Variants in KANSL1 observed in about 807,000 individuals in gnomAD.
KANSL1 encodes the protein KAT8 regulatory NSL complex subunit 1, also known as MLL1/MLL complex subunit KANSL1.
KANSL1 carries 22 observed loss-of-function variants against 103.6 expected under a neutral mutation model. That is an observed-to-expected ratio of 0.21 (90% CI 0.15 to 0.30). KANSL1 has a LOEUF of 0.30. Ranked by LOEUF, KANSL1 falls within the 10% of genes least tolerant of loss-of-function variation. The probability of loss-of-function intolerance (pLI) is 1.00; values close to 1 mark genes in which losing one functional copy is unlikely to be tolerated. For missense variants in KANSL1, 1,337 were observed against 1,399.8 expected (o/e 0.96, Z 0.72); for synonymous variants, 600 against 527.6 (o/e 1.14, Z -1.88).
At chr17:46,103,371 A>G (rs1446723990) in intron 2 of KANSL1, among the ~76,000 whole-genome samples, 2 of 152,238 alleles carry the variant, frequency 1.3e-5, no homozygotes, top group African/African-American at 4.8e-5. Context: ...ATTATTTTTA[A>G]GCCAATTCCC....
At chr17:46,066,315 A>G (rs1430619990) in intron 6 of KANSL1, among the ~76,000 whole-genome samples, 1 of 152,198 alleles carries the variant, frequency 6.6e-6, no homozygotes, top group African/African-American at 2.4e-5. Context: ...TGGTTTTCAA[A>G]ACTAGCTGCA....
chr17:46,057,016 GGTCATCCC>G (rs2077956501), intron 6 of KANSL1, among the ~76,000 whole-genome samples: 1 of 152,022 alleles, frequency 6.6e-6, no homozygotes, highest in Non-Finnish European at 1.5e-5. Context: ...TTCAAATTAC[GGTCATCCC>G]GTCTAGAAAA....
intron 2 of KANSL1, among the ~76,000 whole-genome samples, chr17:46,137,145 A>G (rs1184898848): frequency 1.3e-5 from 2 of 152,192 alleles, no homozygotes; most frequent in African/African-American, 4.8e-5. Context: ...CCAGACTCCT[A>G]TTCACACTTA....
At chr17:46,175,735 T>C (rs182237275) in intron 1 of KANSL1, among the ~76,000 whole-genome samples, 66 of 152,362 alleles carry the variant, frequency 4.3e-4, no homozygotes, top group African/African-American at 1.4e-3. Context: ...TCAGGGCTTA[T>C]GTAGTTTTCT....
At chr17:46,148,996 CTTTTTTTCT>C (rs1233102766) in intron 2 of KANSL1, among the ~76,000 whole-genome samples, 1 of 124,150 alleles carries the variant, frequency 8.1e-6, no homozygotes, top group African/African-American at 3.1e-5. Flanking sequence ...ATTCTTGCCT[CTTTTTTTCT>C]TTTTTTTTTT....
upstream of KANSL1, chr17:46,196,739 G>A: frequency 3.9e-6 from 1 of 254,076 alleles, no homozygotes; most frequent in East Asian, 1.3e-4. Context: ...GAGTTCTAAT[G>A]TTTTTTAGTA....
Position 46,050,548 on chromosome 17 carries a change from G to T in KANSL1, c.2005C>A (p.Leu669Ile). The T allele has an allele frequency of 6.2e-7, 1 of 1,614,144 alleles. No individual in the cohort carries two copies. Among genetic ancestry groups the T allele is most frequent in the Non-Finnish European group, 8.5e-7 (1 of 1,180,014 alleles). Residue 669 changes from leucine to isoleucine, a missense_variant, in exon 7 of 15, where the codon CTA (leucine) becomes ATA (isoleucine). Physicochemically the swap from Leu to Ile is conservative, Grantham distance 5. Around this residue, in one of 2 missense-constraint regions of KANSL1, gnomAD observed 780 missense variants for 923.4 expected, o/e 0.84. Transcript: ENST00000432791. Reference sequence around the variant, plus strand: ...TCTTTCTTACCATCTGGAAATGCTAGAACAGGATGAACACAAGAGTCCAAC... The same window carrying T: ...TCTTTCTTACCATCTGGAAATGCTATAACAGGATGAACACAAGAGTCCAAC... Reference protein sequence around the residue: ...SQLDSCVHPVLAFPDDVPTSL... With the variant: ...SQLDSCVHPVIAFPDDVPTSL...
chr17:46,092,234 G>A (rs2079424788), intron 3 of KANSL1, among the ~76,000 whole-genome samples: 1 of 152,158 alleles, frequency 6.6e-6, no homozygotes, highest in African/African-American at 2.4e-5. Context: ...ATGTGTGATG[G>A]TATATACAAA....
At chr17:46,185,714 C>T (rs963958236) in intron 1 of KANSL1, among the ~76,000 whole-genome samples, 18 of 151,740 alleles carry the variant, frequency 1.2e-4, no homozygotes, top group East Asian at 9.7e-4. Context: ...CACACACACA[C>T]ACACACACAC....
chr17:46,176,407 C>T (rs1479011971), intron 1 of KANSL1, among the ~76,000 whole-genome samples: 5 of 152,192 alleles, frequency 3.3e-5, no homozygotes, highest in African/African-American at 9.7e-5. Flanking sequence ...CCCATCTACT[C>T]CAGCTGGGCA....
intron 4 of KANSL1, among the ~76,000 whole-genome samples, chr17:46,070,862 A>G (rs1171399985): frequency 1.3e-5 from 2 of 152,158 alleles, no homozygotes; most frequent in Non-Finnish European, 1.5e-5. Context: ...CTGACTCTCC[A>G]TTTGATTAAG....
chr17:46,133,405 G>A (rs1277213379), intron 2 of KANSL1, among the ~76,000 whole-genome samples: 1 of 152,162 alleles, frequency 6.6e-6, no homozygotes, highest in African/African-American at 2.4e-5. Context: ...AAGACAGGTG[G>A]TAAACGATTC....
intron 2 of KANSL1, among the ~76,000 whole-genome samples, chr17:46,134,558 G>A (rs1384227040): frequency 1.3e-5 from 2 of 152,042 alleles, no homozygotes; most frequent in Non-Finnish European, 2.9e-5. Flanking sequence ...AAGACGAGGA[G>A]GCCAGGTGTG....
chr17:46,170,816 C>G, intron 2 of KANSL1, 39 bp downstream of exon 2: 1 of 1,530,488 alleles, frequency 6.5e-7, no homozygotes, highest in Non-Finnish European at 8.8e-7. Context: ...CTTGTGCCAA[C>G]ATTTCTCAAG....
chr17:46,095,562 A>G (rs1469599186), intron 2 of KANSL1, among the ~76,000 whole-genome samples: 1 of 152,258 alleles, frequency 6.6e-6, no homozygotes, highest in Non-Finnish European at 1.5e-5. Context: ...AGGAAAAAGT[A>G]AAATTAGTTC....
chr17:46,125,559 C>G (rs1275855570), intron 2 of KANSL1, among the ~76,000 whole-genome samples: 1 of 152,188 alleles, frequency 6.6e-6, no homozygotes, highest in Non-Finnish European at 1.5e-5. Flanking sequence ...GGGGGTACCA[C>G]TCCCAAGACC....
Position 46,090,424 on chromosome 17 carries a change from G to A in KANSL1, c.1431+4136C>T, listed in dbSNP as rs115280253. The stretch of plus-strand genomic sequence containing the variant: ...ATGTATAAATACGACACGTAAAGCT[G>A]TGAATTTTCTTGATGCATTACTTAT... On this transcript the variant is annotated intron_variant, in intron 3 of 14. Transcript: ENST00000432791. 1.6e-3 allele frequency among the ~76,000 whole-genome samples: 242 copies of A among 152,358 alleles called. 1 individual carries two copies. Among genetic ancestry groups the A allele is most frequent in the African/African-American group, 5.6e-3 (234 of 41,576 alleles).
chr17:46,054,655 C>T (rs181623925), intron 6 of KANSL1, among the ~76,000 whole-genome samples: 5 of 152,130 alleles, frequency 3.3e-5, no homozygotes, highest in Admixed American at 6.6e-5. Flanking sequence ...CGCCTCTATC[C>T]CCTCTCTCTG....
At chr17:46,167,517 A>G (rs944081605) in intron 2 of KANSL1, among the ~76,000 whole-genome samples, 2 of 152,272 alleles carry the variant, frequency 1.3e-5, no homozygotes, top group Non-Finnish European at 2.9e-5. Flanking sequence ...TAGTGACATC[A>G]TATCAAACAC....
Sources: gnomAD v4.1 joint callset for allele counts (sites outside exome capture counted in the v4.1 genomes callset) on GRCh38, gnomAD v4.1.1 for gene constraint, gnomAD v4.1.1 regional missense constraint, MANE v1.5 for transcripts, NCBI Gene and HGNC (gene_info 2026-07-23, HGNC 2026-07-21) for gene names.